Variants in SNX20 observed in about 807,000 individuals in gnomAD.
SNX20 encodes the protein sorting nexin-20.
SNX20 carries 21 observed loss-of-function variants against 24.5 expected under a neutral mutation model. The ratio of observed to expected loss-of-function variants is 0.86; its 90% CI spans 0.61 to 1.23. The LOEUF (loss-of-function observed/expected upper bound fraction) is 1.23, where lower values mean the gene tolerates loss of function less well. Among genes scored for constraint, SNX20 ranks in the 50% most tolerant of loss-of-function variants. The pLI, the probability that SNX20 is intolerant of heterozygous loss-of-function variation, is 0.00. For synonymous variants in SNX20, 206 were observed against 192.8 expected (o/e 1.07, Z -0.57); for missense variants, 433 against 430.8 (o/e 1.00, Z -0.04).
chr16:50,668,421 G>A, downstream of SNX20: 2 of 831,096 alleles, frequency 2.4e-6, no homozygotes, highest in African/African-American at 1.7e-5. Flanking sequence ...AGCGGGTTAG[G>A]GTGTAATAAC....
At chr16:50,677,264 G>T in intron 2 of SNX20, 133 bp downstream of exon 2, 1 of 1,175,106 alleles carries the variant, frequency 8.5e-7, no homozygotes, top group Non-Finnish European at 1.2e-6. Flanking sequence ...CTGTGTCTCA[G>T]TGTCTGTTTT....
downstream of SNX20, chr16:50,669,389 G>A: frequency 2.1e-6 from 1 of 483,822 alleles, no homozygotes; most frequent in Non-Finnish European, 3.7e-6. Flanking sequence ...GGGAGCAAGA[G>A]CCATGTCAGG....
At chr16:50,675,158 T>A (rs918362867) in intron 3 of SNX20, among the ~76,000 whole-genome samples, 3 of 152,208 alleles carry the variant, frequency 2.0e-5, no homozygotes, top group African/African-American at 4.8e-5. Flanking sequence ...AAGGATGAAG[T>A]GTGGCTCTTA....
rs2150759765 is a variant in SNX20, at chr16:50,672,151, A to G, written c.*1255T>C. 6.6e-6 allele frequency: 1 copy of G among 152,306 alleles called. No homozygotes were observed. Among genetic ancestry groups the G allele is most frequent in the East Asian group, 1.9e-4 (1 of 5,182 alleles). The allele number at this position is 152,306 out of a possible 1,614,324, so 9.4% of individuals were successfully genotyped here. A position where few individuals can be genotyped will look rare whatever the true frequency, so the allele number is the denominator to read the frequency against. ...CTGTGGTGTCCTTTCCAGACAGCAG[A>G]CCTCAGTTAAGGGCATCCCAGTCCA... On this transcript the variant is annotated 3_prime_UTR_variant, in exon 4 of 4. Transcript: ENST00000330943.
rs182499967 is a variant in SNX20, at chr16:50,674,686, C to T, written c.283-612G>A. On this transcript the variant is annotated intron_variant, in intron 3 of 3. Coordinates refer to ENST00000330943, the MANE Select transcript of SNX20 (RefSeq NM_182854.4). Reference sequence around the variant, plus strand: ...CTGGGGTCCCTCTTGGCTTTACTTGCTAAAACTGGGCCTCTGTTTTCTGAA... The same window carrying T: ...CTGGGGTCCCTCTTGGCTTTACTTGTTAAAACTGGGCCTCTGTTTTCTGAA... Among the ~76,000 whole-genome samples, 212 of 152,340 alleles carry T rather than the reference C, an allele frequency of 1.4e-3. 1 individual carries two copies. Among genetic ancestry groups the T allele is most frequent in the Non-Finnish European group, 2.5e-3 (167 of 68,038 alleles).
chr16:50,671,194 G>C (rs978375189), downstream of SNX20: 2 of 147,508 alleles, frequency 1.4e-5, no homozygotes, highest in African/African-American at 2.5e-5. Flanking sequence ...GGCCTGGCTT[G>C]ATGCTGACAT....
downstream of SNX20, chr16:50,668,020 G>A (rs749962451): frequency 4.5e-6 from 7 of 1,551,584 alleles, no homozygotes. Context: ...TGATATCAGG[G>A]TGTGGCGTCA....
downstream of SNX20, chr16:50,666,826 C>T (rs185359073): frequency 6.6e-6 from 1 of 152,298 alleles, no homozygotes; most frequent in Non-Finnish European, 1.5e-5. Context: ...ATGGGGGAGT[C>T]CTCTGAGGTT....
intron 1 of SNX20, among the ~76,000 whole-genome samples, chr16:50,679,092 A>T (rs531862755): frequency 6.6e-6 from 1 of 152,226 alleles, no homozygotes; most frequent in Non-Finnish European, 1.5e-5. Flanking sequence ...AGGCATGGAA[A>T]TTCAAGACAA....
intron 2 of SNX20, among the ~76,000 whole-genome samples, chr16:50,676,359 G>A (rs949928684): frequency 6.6e-6 from 1 of 152,088 alleles, no homozygotes; most frequent in African/African-American, 2.4e-5. Flanking sequence ...CAGTGAGGAG[G>A]ATGTTATGTT....
At chr16:50,679,482 C>T (rs893967333) in intron 1 of SNX20, among the ~76,000 whole-genome samples, 1 of 152,212 alleles carries the variant, frequency 6.6e-6, no homozygotes, top group African/African-American at 2.4e-5. Flanking sequence ...GACCCTCGAT[C>T]CAACCTCACC....
In SNX20 at chr16:50,673,452, C is replaced by T. The variant is rs752464534; in HGVS notation, c.905G>A (p.Arg302Gln). ...EESQLRRPTP[R>Q]GITLKELTVR... ...AGTGAGCTCCTTCAGGGTGATGCCT[C>T]GGGGCGTGGGCCTCCGGAGCTGGCT... The change falls in exon 4 of 4, where the codon CGA (arginine) becomes CAA (glutamine). Residue 302 changes from arginine to glutamine, a missense_variant. Coordinates refer to ENST00000330943, the MANE Select transcript of SNX20 (RefSeq NM_182854.4). The surrounding 1 kb of genome is among the most constrained non-coding windows in gnomAD (Gnocchi z 4.1). 1.2e-5 allele frequency: 19 copies of T among 1,595,970 alleles called. 1 individual carries two copies. The Admixed American group carries it at 1.4e-4, about 12-fold the overall frequency.
downstream of SNX20, chr16:50,669,152 T>C (rs1414625552): frequency 2.5e-6 from 3 of 1,197,864 alleles, no homozygotes; most frequent in South Asian, 3.9e-5. Flanking sequence ...TCCCCATCTG[T>C]AAACAGAGGT....
At chr16:50,667,904 C>T (rs2150757447), downstream of SNX20, 1 of 1,134,906 alleles carries the variant, frequency 8.8e-7, no homozygotes, top group East Asian at 2.6e-5. Flanking sequence ...TTTTCTTGAT[C>T]TTACCATGGG....
At chr16:50,669,099 T>C (rs1289976228), downstream of SNX20, 2 of 1,538,960 alleles carry the variant, frequency 1.3e-6, no homozygotes, top group Admixed American at 3.9e-5. Flanking sequence ...TGTCCCTGTC[T>C]CGCCACGTGA....
In SNX20 at chr16:50,677,599, G is replaced by A. The variant is rs1963214033; in HGVS notation, c.-9-64C>T. 5.7e-6 allele frequency: 8 copies of A among 1,410,950 alleles called. No individual in the cohort carries two copies. The Admixed American group carries it at 7.2e-5, about 13-fold the overall frequency. 87.4% of individuals were successfully genotyped at this position (1,410,950 alleles called of 1,614,324 possible). The stretch of plus-strand genomic sequence containing the variant: ...GTTGGGGTTCCCGGTGGCTCCTGGG[G>A]TGCCTAGGAGCTGTGTCATGCCCCC... On this transcript the variant is annotated intron_variant, in intron 1 of 3. Coordinates refer to ENST00000330943, the MANE Select transcript of SNX20 (RefSeq NM_182854.4).
downstream of SNX20, chr16:50,670,566 T>C (rs1446401300): frequency 6.6e-6 from 1 of 152,262 alleles, no homozygotes; most frequent in Non-Finnish European, 1.5e-5. Context: ...CTAATACAGG[T>C]GGCGTGGGAG....
At chr16:50,677,874 G>A (rs1423184405) in intron 1 of SNX20, among the ~76,000 whole-genome samples, 1 of 152,206 alleles carries the variant, frequency 6.6e-6, no homozygotes, top group Non-Finnish European at 1.5e-5. Context: ...ATGCTGGCTT[G>A]TCTAGATACT....
chr16:50,673,830 C>T lies in SNX20; in HGVS notation c.527G>A (p.Arg176His), dbSNP rs1442697176. 6 of 1,598,038 alleles carry T rather than the reference C, an allele frequency of 3.8e-6. No homozygotes were observed. The highest frequency in any genetic ancestry group is 5.1e-6 in the Non-Finnish European group (6 of 1,177,036). The change falls in exon 4 of 4, where the codon CGC becomes CAC. Residue 176 changes from arginine (R) to histidine (H), a missense_variant. Physicochemically the swap from Arg to His is conservative, Grantham distance 29. Coordinates refer to ENST00000330943, the MANE Select transcript of SNX20 (RefSeq NM_182854.4). This position sits in a 1 kb window ranked among gnomAD's most constrained non-coding sequence, Gnocchi z 4.1. Reference protein sequence around the residue: ...GLLYAIRCVRRSREFLDFLTR... With the variant: ...GLLYAIRCVRHSREFLDFLTR... ...GAGGAAGTCCAGGAACTCCCGGGAGCGGCGCACGCAGCGGATGGCGTAGAG... is the reference window on the plus strand; with the variant it reads ...GAGGAAGTCCAGGAACTCCCGGGAGTGGCGCACGCAGCGGATGGCGTAGAG...
Sources: allele counts gnomAD v4.1 joint callset (sites outside exome capture counted in the v4.1 genomes callset), GRCh38; gene constraint gnomAD v4.1.1; non-coding constraint Gnocchi (gnomAD v3.1); transcripts MANE v1.5; gene names NCBI Gene and HGNC (gene_info 2026-07-23, HGNC 2026-07-21).